Variants in TCF12 observed in about 807,000 individuals in gnomAD.
TCF12 encodes transcription factor 12, also known as DNA-binding protein HTF4.
A neutral mutation model predicts 86.0 loss-of-function variants in TCF12; 45 were observed. That is an observed-to-expected ratio of 0.52 (90% confidence interval 0.41 to 0.67). The LOEUF is 0.67. Among genes scored for constraint, TCF12 ranks in the 30% least tolerant of loss-of-function variants. The probability of loss-of-function intolerance (pLI) is 0.00; values close to 1 mark genes in which losing one functional copy is unlikely to be tolerated. For synonymous variants in TCF12, 330 were observed against 299.6 expected (o/e 1.10, Z -1.05); for missense variants, 881 against 859.9 (o/e 1.02, Z -0.31).
At chr15:57,200,789 C>G (rs185266626) in intron 8 of TCF12, among the ~76,000 whole-genome samples, 39 of 152,294 alleles carry the variant, frequency 2.6e-4, no homozygotes, top group African/African-American at 9.4e-4. Context: ...CTGTTCCTCT[C>G]TGCAGAACCA....
chr15:56,923,265 C>T (rs1320648047), intron 3 of TCF12, among the ~76,000 whole-genome samples: 5 of 151,928 alleles, frequency 3.3e-5, no homozygotes, highest in African/African-American at 9.7e-5. Context: ...GCTTTTTTAG[C>T]TGAAAGAATA....
At chr15:56,984,309 A>T (rs1411093196) in intron 3 of TCF12, among the ~76,000 whole-genome samples, 1 of 131,532 alleles carries the variant, frequency 7.6e-6, no homozygotes, top group Non-Finnish European at 1.7e-5. Context: ...GTGGAGAGGG[A>T]GAGAAAGGTG....
chr15:57,226,121 A>G (rs1216561037), intron 8 of TCF12, among the ~76,000 whole-genome samples: 1 of 151,090 alleles, frequency 6.6e-6, no homozygotes, highest in Non-Finnish European at 1.5e-5. Flanking sequence ...GCTTAAAATT[A>G]TAGGCCTAGA....
intron 3 of TCF12, among the ~76,000 whole-genome samples, chr15:56,945,519 T>A (rs535336142): frequency 6.6e-6 from 1 of 152,276 alleles, no homozygotes; most frequent in African/African-American, 2.4e-5. Flanking sequence ...TTGCTAGATA[T>A]AGAATTCTAG....
At chr15:57,047,247 G>GT (rs2067292767) in intron 3 of TCF12, among the ~76,000 whole-genome samples, 1 of 152,202 alleles carries the variant, frequency 6.6e-6, no homozygotes, top group Admixed American at 6.5e-5. Context: ...ATGGTGCTTA[G>GT]TAGTACAAAC....
intron 3 of TCF12, among the ~76,000 whole-genome samples, chr15:57,051,690 T>C (rs2067632801): frequency 6.6e-6 from 1 of 152,216 alleles, no homozygotes; most frequent in South Asian, 2.1e-4. Flanking sequence ...CATTGCCATG[T>C]TGACTGGGGA....
chr15:56,923,368 ACT>A (rs2059875294), intron 3 of TCF12, among the ~76,000 whole-genome samples: 1 of 152,030 alleles, frequency 6.6e-6, no homozygotes, highest in East Asian at 1.9e-4. Flanking sequence ...GTCGGAAGTC[ACT>A]CTGGAAAAGA....
At chr15:57,015,595 A>C (rs2053119357) in intron 3 of TCF12, among the ~76,000 whole-genome samples, 1 of 152,192 alleles carries the variant, frequency 6.6e-6, no homozygotes, top group Admixed American at 6.5e-5. Flanking sequence ...GCAAAATCTC[A>C]GGCCCTTCAT....
At chr15:57,217,584 T>G (rs1410627655) in intron 8 of TCF12, among the ~76,000 whole-genome samples, 1 of 152,138 alleles carries the variant, frequency 6.6e-6, no homozygotes. Context: ...TTTCTCAGAT[T>G]GAAGCGATGA....
intron 12 of TCF12, among the ~76,000 whole-genome samples, chr15:57,238,921 G>A (rs568394883): frequency 5.3e-5 from 8 of 152,152 alleles, no homozygotes; most frequent in Non-Finnish European, 8.8e-5. Context: ...GTATAAATGG[G>A]GAAGTGACAT....
rs71113033 is a variant in TCF12, at chr15:56,920,487, CGT to C, written c.76-518_76-517del. ...TACTTTTATTTTATACACACACACA[CGT>C]GTGTGTGTGTGTGTGTGTGTATTAT... On this transcript the variant is annotated intron_variant, in intron 2 of 20. Coordinates refer to ENST00000333725, the MANE Select transcript of TCF12 (RefSeq NM_207037.2). Among the ~76,000 whole-genome samples, 240 of 146,956 alleles carry C rather than the reference CGT, an allele frequency of 1.6e-3. 1 individual carries two copies. Among genetic ancestry groups the C allele is most frequent in the Middle Eastern group, 3.4e-3 (1 of 290 alleles).
intron 5 of TCF12, among the ~76,000 whole-genome samples, chr15:57,144,896 C>G (rs1032638201): frequency 4.6e-5 from 7 of 152,194 alleles, no homozygotes; most frequent in Non-Finnish European, 8.8e-5. Context: ...GCTGCCATAC[C>G]TGGCAGACCT....
At chr15:57,203,615 T>C (rs2733309) in intron 8 of TCF12, among the ~76,000 whole-genome samples, 32,294 of 152,224 alleles carry the variant, frequency 0.21, 3,698 homozygotes, top group Non-Finnish European at 0.25. Context: ...GTAACTTGTT[T>C]GCAGTCCCGT....
intron 19 of TCF12, among the ~76,000 whole-genome samples, chr15:57,277,095 C>T (rs1176060067): frequency 6.6e-6 from 1 of 152,088 alleles, no homozygotes; most frequent in African/African-American, 2.4e-5. Context: ...CGTGAGCCAC[C>T]GCACCTGGCC....
chr15:57,168,813 A>G (rs10152156), intron 6 of TCF12, among the ~76,000 whole-genome samples: 9,789 of 152,164 alleles, frequency 0.064, 817 homozygotes, highest in East Asian at 0.27. Context: ...GAGGAGGCCA[A>G]GGCGGGCGGA....
chr15:56,958,292 G>A (rs1208644915), intron 3 of TCF12, among the ~76,000 whole-genome samples: 1 of 152,156 alleles, frequency 6.6e-6, no homozygotes, highest in African/African-American at 2.4e-5. Context: ...AAGTTTGTGT[G>A]TTTGTGGAGC....
At chr15:57,242,559 A>G (rs772672630) in intron 12 of TCF12, among the ~76,000 whole-genome samples, 1 of 152,140 alleles carries the variant, frequency 6.6e-6, no homozygotes, top group Non-Finnish European at 1.5e-5. Context: ...CTGAGCTACT[A>G]GGGAAGCTGA....
chr15:56,963,065 A>T, intron 3 of TCF12, among the ~76,000 whole-genome samples: 3 of 112,480 alleles, frequency 2.7e-5, no homozygotes, highest in Admixed American at 1.0e-4. Flanking sequence ...CTGTACAATC[A>T]TTTTCTGAAA....
chr15:57,103,537 T>G (rs1435116369), intron 5 of TCF12, among the ~76,000 whole-genome samples: 1 of 152,206 alleles, frequency 6.6e-6, no homozygotes, highest in African/African-American at 2.4e-5. Flanking sequence ...AACGCACTTA[T>G]GAAGATGAAT....
Sources: allele counts gnomAD v4.1 joint callset (sites outside exome capture counted in the v4.1 genomes callset), GRCh38; gene constraint gnomAD v4.1.1; transcripts MANE v1.5; gene names NCBI Gene and HGNC (gene_info 2026-07-23, HGNC 2026-07-21).